MYO10: variants seen among roughly 807,000 people sequenced by gnomAD.
The protein encoded by MYO10 is unconventional myosin-X.
Under a neutral mutation model 257.3 loss-of-function variants are expected in MYO10, and 133 were observed. The ratio of observed to expected loss-of-function variants is 0.52; its 90% CI spans 0.45 to 0.60. The LOEUF (loss-of-function observed/expected upper bound fraction) is 0.60. Among genes scored for constraint, MYO10 ranks in the 20% least tolerant of loss-of-function variants. The pLI is 0.00. For synonymous variants in MYO10, 1,104 were observed against 1,028.6 expected (o/e 1.07, Z -1.40); for missense variants, 2,399 against 2,635.7 (o/e 0.91, Z 1.97).
At chr5:16,794,013 TC>T (rs1741852753) in intron 4 of MYO10, among the ~76,000 whole-genome samples, 2 of 152,136 alleles carry the variant, frequency 1.3e-5, no homozygotes, top group African/African-American at 4.8e-5. Flanking sequence ...CCTAATAGTT[TC>T]TTTGTAAAAG....
chr5:16,751,535 G>A (rs1017677067), intron 19 of MYO10, among the ~76,000 whole-genome samples: 1 of 152,044 alleles, frequency 6.6e-6, no homozygotes, highest in Non-Finnish European at 1.5e-5. Flanking sequence ...AGGCTGGAGT[G>A]CAATGTCGTG....
At chr5:16,758,867 A>T (rs1034139710) in intron 17 of MYO10, among the ~76,000 whole-genome samples, 9 of 152,214 alleles carry the variant, frequency 5.9e-5, no homozygotes, top group African/African-American at 1.9e-4. Flanking sequence ...GTTATTATTT[A>T]AAAAGTTCTG....
rs779030770 is a variant in MYO10, at chr5:16,665,445, TA to T, written c.*1246del. On this transcript the variant is annotated 3_prime_UTR_variant, in exon 41 of 41. Transcript: ENST00000513610. ...TCCTTAAAACTTTTCCATATAAAAATAAAAAGTCCAAGACCAGATTATTTTT... is the reference window on the plus strand; with the variant it reads ...TCCTTAAAACTTTTCCATATAAAAATAAAAGTCCAAGACCAGATTATTTTT... 2 of 152,192 alleles carry T rather than the reference TA, an allele frequency of 1.3e-5. No homozygotes were observed. Among genetic ancestry groups the T allele is most frequent in the African/African-American group, 2.4e-5 (1 of 41,462 alleles). The allele number at this position is 152,192 out of a possible 1,614,324, so 9.4% of individuals were successfully genotyped here. A position where few individuals can be genotyped will look rare whatever the true frequency, so the allele number is the denominator to read the frequency against.
intron 21 of MYO10, among the ~76,000 whole-genome samples, chr5:16,709,019 C>T (rs1330731904): frequency 6.6e-6 from 1 of 152,196 alleles, no homozygotes; most frequent in African/African-American, 2.4e-5. Context: ...ACTGATTAAG[C>T]TCAGCACTGT....
chr5:16,670,394 G>T, intron 39 of MYO10, 132 bp downstream of exon 39: 2 of 696,014 alleles, frequency 2.9e-6, no homozygotes, highest in Non-Finnish European at 4.7e-6. Context: ...GTACAATTCT[G>T]GGGGCTCGAA....
chr5:16,778,590 G>A (rs1741297208), intron 9 of MYO10, among the ~76,000 whole-genome samples: 1 of 151,980 alleles, frequency 6.6e-6, no homozygotes, highest in South Asian at 2.1e-4. Flanking sequence ...ATTCTTCCAC[G>A]GGGAAGAGAA....
At chr5:16,753,507 T>C (rs920612673) in intron 19 of MYO10, among the ~76,000 whole-genome samples, 5 of 120,270 alleles carry the variant, frequency 4.2e-5, no homozygotes, top group African/African-American at 1.6e-4. Context: ...AGTCTGGCTC[T>C]ATCTCCCAGG....
chr5:16,899,637 A>AAAC lies in MYO10; in HGVS notation c.22-21931_22-21930insGTT, dbSNP rs1554007339. Among the ~76,000 whole-genome samples the AAAC allele has an allele frequency of 9.9e-4, 150 of 151,886 alleles. 1 individual carries two copies. Among genetic ancestry groups the AAAC allele is most frequent in the Middle Eastern group, 6.8e-3 (2 of 294 alleles). ...GAGCAAAACTCAGTTTCAAAAAAAA[A>AAAC]AAAAACAAAAAACAATGTGATAAAT... On this transcript the variant is annotated intron_variant, in intron 1 of 40. Coordinates refer to ENST00000513610, the MANE Select transcript of MYO10 (RefSeq NM_012334.3).
intron 2 of MYO10, among the ~76,000 whole-genome samples, chr5:16,818,802 A>G (rs1458036112): frequency 6.6e-6 from 1 of 152,174 alleles, no homozygotes; most frequent in Non-Finnish European, 1.5e-5. Context: ...TTCCTAAAAG[A>G]TATTAGTTCA....
intron 2 of MYO10, among the ~76,000 whole-genome samples, chr5:16,864,134 T>TC (rs2096409083): frequency 6.7e-6 from 1 of 149,108 alleles, no homozygotes; most frequent in African/African-American, 2.5e-5. Flanking sequence ...CCATGATTCT[T>TC]CTGCTATGTG....
chr5:16,662,719 C>T lies in MYO10; in HGVS notation c.*3973G>A, dbSNP rs965434049. The T allele has an allele frequency of 2.6e-5, 4 of 152,158 alleles. No individual in the cohort carries two copies. Among genetic ancestry groups the T allele is most frequent in the Non-Finnish European group, 5.9e-5 (4 of 68,058 alleles). 9.4% of individuals were successfully genotyped at this position (152,158 alleles called of 1,614,324 possible). ...TATAGCTCCCATAATCCCCACCTGT[C>T]ACGGGAGGGACCTGATGGGAGGTAA... On this transcript the variant is annotated 3_prime_UTR_variant, in exon 41 of 41. Coordinates refer to ENST00000513610, the MANE Select transcript of MYO10 (RefSeq NM_012334.3).
In MYO10 at chr5:16,783,579, GA is replaced by G. The variant is rs1741488573; in HGVS notation, c.468-111del. The G allele has an allele frequency of 1.2e-5, 15 of 1,201,468 alleles. No individual in the cohort carries two copies. In the South Asian group the frequency reaches 2.1e-4, roughly 17 times the overall value. 74.4% of individuals were successfully genotyped at this position (1,201,468 alleles called of 1,614,324 possible). ...CAACAGAACAATGGTAGAAAGGTGG[GA>G]AGAGGGAGATCAAAATGCCTGTTTC... On this transcript the variant is annotated intron_variant, in intron 4 of 40. Coordinates refer to ENST00000513610, the MANE Select transcript of MYO10 (RefSeq NM_012334.3).
At chr5:16,762,152 CCTTATTT>C in intron 15 of MYO10, 39 bp from the exon 16 acceptor site, 3 of 1,278,528 alleles carry the variant, frequency 2.3e-6, no homozygotes, top group Non-Finnish European at 3.1e-6. Context: ...AAATACAATG[CCTTATTT>C]CACTCACTGA....
At chr5:16,797,667 A>G (rs539590984) in intron 3 of MYO10, among the ~76,000 whole-genome samples, 1 of 152,338 alleles carries the variant, frequency 6.6e-6, no homozygotes, top group Non-Finnish European at 1.5e-5. Context: ...CCATGCTACA[A>G]TGTGAATGAG....
intron 19 of MYO10, among the ~76,000 whole-genome samples, chr5:16,748,567 AAAGAAAGGAAATG>A (rs1359093888): frequency 7.0e-6 from 1 of 143,804 alleles, no homozygotes; most frequent in Non-Finnish European, 1.5e-5. Context: ...GGTCTGAAAT[AAAGAAAGGAAATG>A]AAGAAAGGAA....
chr5:16,727,541 CTAA>C (rs1247738737), intron 19 of MYO10, among the ~76,000 whole-genome samples: 2 of 152,156 alleles, frequency 1.3e-5, no homozygotes, highest in African/African-American at 4.8e-5. Flanking sequence ...TCTCACGAGG[CTAA>C]TGACTCTGAA....
chr5:16,847,628 G>A (rs1743675023), intron 2 of MYO10, among the ~76,000 whole-genome samples: 1 of 152,136 alleles, frequency 6.6e-6, no homozygotes, highest in African/African-American at 2.4e-5. Context: ...TTCTTGGGAG[G>A]CTGAGGTGGG....
Position 16,677,433 on chromosome 5 carries a change from T to TTTTG in MYO10, c.4543-1280_4543-1279insCAAA, listed in dbSNP as rs1363770924. Among the ~76,000 whole-genome samples, 204 of 145,316 alleles carry TTTTG rather than the reference T, an allele frequency of 1.4e-3. 3 individuals carry two copies. Among genetic ancestry groups the TTTTG allele is most frequent in the Middle Eastern group, 3.6e-3 (1 of 278 alleles). The stretch of plus-strand genomic sequence containing the variant: ...AACTTGACCTTTTTTTTTTTTTTTT[T>TTTTG]GAGACGGAGTCTTGCTCTTTCGCCC... On this transcript the variant is annotated intron_variant, in intron 33 of 40. Coordinates refer to ENST00000513610, the MANE Select transcript of MYO10 (RefSeq NM_012334.3).
chr5:16,670,119 A>T (rs1287950792), intron 39 of MYO10, among the ~76,000 whole-genome samples: 1 of 152,262 alleles, frequency 6.6e-6, no homozygotes, highest in Non-Finnish European at 1.5e-5. Context: ...CCATTACGAG[A>T]TAGACATTCT....
Sources: allele counts gnomAD v4.1 joint callset (sites outside exome capture counted in the v4.1 genomes callset), GRCh38; gene constraint gnomAD v4.1.1; transcripts MANE v1.5; gene names NCBI Gene and HGNC (gene_info 2026-07-23, HGNC 2026-07-21).